The following CLVS1 variants were observed in gnomAD, a reference collection of about 807,000 sequenced individuals.
CLVS1 encodes clavesin-1.
Under a neutral mutation model 33.1 loss-of-function variants are expected in CLVS1, and 10 were observed. That is an observed-to-expected ratio of 0.30 (90% confidence interval 0.19 to 0.51). CLVS1 has a LOEUF of 0.51. Among genes scored for constraint, CLVS1 ranks in the 20% least tolerant of loss-of-function variants. The probability of loss-of-function intolerance (pLI) is 0.97; values close to 1 mark genes in which losing one functional copy is unlikely to be tolerated. For missense variants in CLVS1, 343 were observed against 433.4 expected (o/e 0.79, Z 1.85); for synonymous variants, 163 against 166.1 (o/e 0.98, Z 0.14).
chr8:61,176,230 C>T (rs1431463961), intron 2 of CLVS1, among the ~76,000 whole-genome samples: 1 of 152,176 alleles, frequency 6.6e-6, no homozygotes, highest in Non-Finnish European at 1.5e-5. Flanking sequence ...GGGTTGCCCT[C>T]TTATTGCTCT....
the CLVS1 span, among the ~76,000 whole-genome samples, chr8:61,010,861 G>A: frequency 6.6e-6 from 1 of 152,320 alleles, no homozygotes; most frequent in East Asian, 1.9e-4. Context: ...TCTTTGTTCT[G>A]TGCTATGATG....
intron 2 of CLVS1, among the ~76,000 whole-genome samples, chr8:61,262,004 G>A (rs1418293746): frequency 6.6e-5 from 10 of 151,426 alleles, no homozygotes; most frequent in African/African-American, 1.7e-4. Flanking sequence ...GTGTGTGTGT[G>A]TGTGTGTGTG....
the CLVS1 span, among the ~76,000 whole-genome samples, chr8:61,019,208 C>T: frequency 2.0e-5 from 3 of 152,316 alleles, no homozygotes; most frequent in African/African-American, 7.2e-5. Context: ...CATGGAGAGT[C>T]GTCTTCTCCC....
chr8:61,431,584 A>G (rs1816116779), intron 3 of CLVS1, among the ~76,000 whole-genome samples: 1 of 151,770 alleles, frequency 6.6e-6, no homozygotes, highest in Admixed American at 6.6e-5. Flanking sequence ...TACCTTGTTC[A>G]TTTTCCAGGG....
At chr8:61,468,946 C>T (rs563531375) in intron 5 of CLVS1, among the ~76,000 whole-genome samples, 7 of 152,144 alleles carry the variant, frequency 4.6e-5, no homozygotes, top group Non-Finnish European at 7.4e-5. Context: ...CCACACCCCA[C>T]GAGGTGCTGC....
chr8:61,120,974 C>G (rs1032474529), intron 1 of CLVS1, among the ~76,000 whole-genome samples: 7 of 149,862 alleles, frequency 4.7e-5, no homozygotes, highest in Non-Finnish European at 1.0e-4. Flanking sequence ...CCCCCAGCCT[C>G]GCTGCCGCCT....
chr8:61,436,326 T>C (rs1816329693), intron 3 of CLVS1, among the ~76,000 whole-genome samples: 1 of 152,238 alleles, frequency 6.6e-6, no homozygotes, highest in South Asian at 2.1e-4. Context: ...TCCCTTTTAC[T>C]GTAAAAGTCA....
chr8:61,365,093 T>C (rs533164134), intron 2 of CLVS1, among the ~76,000 whole-genome samples: 3 of 152,364 alleles, frequency 2.0e-5, no homozygotes, highest in Non-Finnish European at 4.4e-5. Flanking sequence ...AAAGGATAGA[T>C]ATTTTTCTTT....
chr8:61,353,034 G>T (rs1226184392), intron 2 of CLVS1, among the ~76,000 whole-genome samples: 12 of 151,954 alleles, frequency 7.9e-5, no homozygotes, highest in Admixed American at 7.9e-4. Flanking sequence ...TTTCTTAAAT[G>T]TGTGCATACA....
intron 2 of CLVS1, among the ~76,000 whole-genome samples, chr8:61,340,466 A>G (rs937726616): frequency 1.3e-5 from 2 of 152,100 alleles, no homozygotes; most frequent in African/African-American, 4.8e-5. Context: ...TGCTTATTTC[A>G]CTTAATACAA....
chr8:61,099,282 C>A (rs188754015), intron 1 of CLVS1, among the ~76,000 whole-genome samples: 2 of 151,952 alleles, frequency 1.3e-5, no homozygotes, highest in African/African-American at 4.8e-5. Flanking sequence ...TTAATGTTTG[C>A]GGAGCCACTG....
At chr8:61,210,066 C>G (rs901942546) in intron 2 of CLVS1, among the ~76,000 whole-genome samples, 4 of 152,188 alleles carry the variant, frequency 2.6e-5, no homozygotes, top group African/African-American at 9.7e-5. Context: ...AGGATCAGGT[C>G]TTCCCTGAAA....
At chr8:61,150,953 A>G (rs1038600663) in intron 2 of CLVS1, among the ~76,000 whole-genome samples, 1 of 152,130 alleles carries the variant, frequency 6.6e-6, no homozygotes, top group Non-Finnish European at 1.5e-5. Context: ...GCACAACCTC[A>G]AATGGAACCA....
At chr8:61,414,200 C>T (rs1815341144) in intron 3 of CLVS1, among the ~76,000 whole-genome samples, 1 of 152,062 alleles carries the variant, frequency 6.6e-6, no homozygotes, top group Admixed American at 6.5e-5. Flanking sequence ...ACAAAGAAAA[C>T]TGAGTGTATG....
chr8:61,170,213 C>G (rs1806965274), intron 2 of CLVS1, among the ~76,000 whole-genome samples: 1 of 152,142 alleles, frequency 6.6e-6, no homozygotes, highest in Non-Finnish European at 1.5e-5. Context: ...ATTACACTGG[C>G]TACTATGTGG....
chr8:61,398,180 AC>A (rs1473400058), intron 3 of CLVS1, among the ~76,000 whole-genome samples: 1 of 133,466 alleles, frequency 7.5e-6, no homozygotes, highest in African/African-American at 2.9e-5. Context: ...TATAAGCTTT[AC>A]TTTTTTTTTT....
rs568121784 is a variant in CLVS1 at position 61,233,452 on chromosome 8, CAGAA to C, written c.-151-66220_-151-66217del. ...CCTTTCTCTTGCCATAGTGAAGTCT[CAGAA>C]AGAACCCGTAGCTTTTTGTAACATT... On this transcript the variant is annotated intron_variant, in intron 2 of 2. Coordinates refer to the CLVS1 transcript ENST00000522621. Among the ~76,000 whole-genome samples the C allele has an allele frequency of 1.5e-4, 21 of 142,056 alleles. 1 individual carries two copies. In the East Asian group the frequency reaches 4.5e-3, roughly 30 times the overall value. 93.2% of individuals were successfully genotyped at this position (142,056 alleles called of 152,430 possible). A position where few individuals can be genotyped will look rare whatever the true frequency, so the allele number is the denominator to read the frequency against.
intron 5 of CLVS1, among the ~76,000 whole-genome samples, chr8:61,487,483 C>G (rs1051011828): frequency 7.9e-5 from 12 of 152,196 alleles, no homozygotes; most frequent in Admixed American, 7.2e-4. Flanking sequence ...TCTCCTACAT[C>G]GTGTTCTCAC....
chr8:61,106,286 C>T (rs779046832), intron 1 of CLVS1, among the ~76,000 whole-genome samples: 10 of 152,190 alleles, frequency 6.6e-5, no homozygotes, highest in African/African-American at 9.7e-5. Flanking sequence ...GGAAACAAAA[C>T]AACACACAAG....
Sources: allele counts gnomAD v4.1 joint callset (sites outside exome capture counted in the v4.1 genomes callset), GRCh38; gene constraint gnomAD v4.1.1; transcripts MANE v1.5; gene names NCBI Gene and HGNC (gene_info 2026-07-23, HGNC 2026-07-21).